The following ANKRD17 variants were observed in gnomAD, a reference collection of about 807,000 sequenced individuals.
The protein encoded by ANKRD17 is ankyrin repeat domain-containing protein 17.
In ANKRD17, 19 loss-of-function variants were observed where a neutral mutation model predicts 229.7. The ratio of observed to expected loss-of-function variants is 0.08; its 90% CI spans 0.06 to 0.12. The LOEUF is 0.12. ANKRD17 is among the 10% of genes least tolerant of loss of function. The pLI is 1.00. For missense variants in ANKRD17, 2,176 were observed against 3,176.8 expected (o/e 0.68, Z 7.57); for synonymous variants, 1,112 against 1,146.1 (o/e 0.97, Z 0.60).
chr4:73,182,718 T>G (rs539915472), intron 1 of ANKRD17, among the ~76,000 whole-genome samples: 3 of 152,342 alleles, frequency 2.0e-5, no homozygotes, highest in African/African-American at 7.2e-5. Context: ...TTTAGACGTG[T>G]AAATAACTTC....
At chr4:73,082,698 A>G (rs1292722696) in intron 30 of ANKRD17, among the ~76,000 whole-genome samples, 1 of 152,220 alleles carries the variant, frequency 6.6e-6, no homozygotes, top group African/African-American at 2.4e-5. Context: ...CTAGCAAACA[A>G]CTGGCTTGTA....
intron 1 of ANKRD17, among the ~76,000 whole-genome samples, chr4:73,179,587 G>A (rs1735274263): frequency 1.4e-5 from 2 of 141,960 alleles, no homozygotes; most frequent in South Asian, 4.4e-4. Context: ...TCAAACTCCT[G>A]GGATCAAGTA....
intron 1 of ANKRD17, among the ~76,000 whole-genome samples, chr4:73,238,057 A>G (rs901566524): frequency 1.3e-5 from 2 of 151,990 alleles, no homozygotes; most frequent in Non-Finnish European, 2.9e-5. Context: ...ATTTAATAGA[A>G]TTAGAAATTT....
At chr4:73,137,592 G>A (rs1279462417) in intron 15 of ANKRD17, among the ~76,000 whole-genome samples, 2 of 152,172 alleles carry the variant, frequency 1.3e-5, no homozygotes, top group Non-Finnish European at 2.9e-5. Context: ...GTCAGTGCAT[G>A]AGTATATGTG....
chr4:73,199,331 C>T (rs1738341561), intron 1 of ANKRD17, among the ~76,000 whole-genome samples: 1 of 151,724 alleles, frequency 6.6e-6, no homozygotes, highest in Non-Finnish European at 1.5e-5. Flanking sequence ...GCCAGAAAGA[C>T]AAAGAGAAAG....
At chr4:73,141,950 G>T in intron 13 of ANKRD17, 107 bp from the exon 14 acceptor site, 2 of 952,886 alleles carry the variant, frequency 2.1e-6, no homozygotes, top group Non-Finnish European at 3.1e-6. Flanking sequence ...TTTTTAATAT[G>T]TCATCTTAGA....
At chr4:73,240,159 A>T (rs1743884720) in intron 1 of ANKRD17, among the ~76,000 whole-genome samples, 1 of 152,162 alleles carries the variant, frequency 6.6e-6, no homozygotes, top group Non-Finnish European at 1.5e-5. Context: ...AAGACAACCT[A>T]AGGGCATCAT....
intron 16 of ANKRD17, among the ~76,000 whole-genome samples, chr4:73,133,628 A>C (rs1728529545): frequency 6.6e-6 from 1 of 151,932 alleles, no homozygotes; most frequent in Admixed American, 6.6e-5. Flanking sequence ...TCCTGACCTC[A>C]GGTGATCCGC....
chr4:73,214,347 G>A (rs756452010), intron 1 of ANKRD17, among the ~76,000 whole-genome samples: 137 of 152,304 alleles, frequency 9.0e-4, no homozygotes, highest in Non-Finnish European at 1.7e-3. Flanking sequence ...CTCCCTTAAT[G>A]AGTGTAAACT....
At chr4:73,220,287 A>G (rs1741675835) in intron 1 of ANKRD17, among the ~76,000 whole-genome samples, 1 of 152,066 alleles carries the variant, frequency 6.6e-6, no homozygotes, top group African/African-American at 2.4e-5. Flanking sequence ...TTTCCTGAGT[A>G]TTAGTTCCTT....
At position 73,198,363 on chromosome 4, in the gene ANKRD17, T is replaced by C. The variant is rs139088030; in HGVS notation, c.394-20830A>G. 2.2e-4 allele frequency among the ~76,000 whole-genome samples: 34 copies of C among 152,284 alleles called. No homozygotes were observed. The East Asian group carries it at 6.2e-3, about 28-fold the overall frequency. ...AACGAAAATGAAAAATTTGGTATACTGCAAAGTATACTTAACAAATTTGTA... is the reference window on the plus strand; with the variant it reads ...AACGAAAATGAAAAATTTGGTATACCGCAAAGTATACTTAACAAATTTGTA... On this transcript the variant is annotated intron_variant, in intron 1 of 33. Transcript: ENST00000358602.
chr4:73,188,842 G>C (rs1190086739), intron 1 of ANKRD17, among the ~76,000 whole-genome samples: 1 of 152,096 alleles, frequency 6.6e-6, no homozygotes, highest in Non-Finnish European at 1.5e-5. Context: ...TGAAAAATGA[G>C]AGACAGAGAA....
intron 7 of ANKRD17, among the ~76,000 whole-genome samples, chr4:73,150,399 T>C (rs368322539): frequency 2.0e-5 from 3 of 152,306 alleles, no homozygotes; most frequent in South Asian, 4.1e-4. Context: ...TTCCTTATCA[T>C]GGGGAACTTT....
At chr4:73,214,178 G>A (rs367701813) in intron 1 of ANKRD17, among the ~76,000 whole-genome samples, 5 of 152,128 alleles carry the variant, frequency 3.3e-5, no homozygotes, top group Admixed American at 1.3e-4. Context: ...GTTTTTCTCC[G>A]GCTCTTTAAA....
Position 73,191,341 on chromosome 4 carries a change from ATGTG to A in ANKRD17, c.394-13812_394-13809del, listed in dbSNP as rs71655741. Among the ~76,000 whole-genome samples the A allele has an allele frequency of 2.0e-3, 252 of 125,278 alleles. 5 individuals carry two copies. Among genetic ancestry groups the A allele is most frequent in the South Asian group, 9.3e-3 (33 of 3,534 alleles). The allele number at this position is 125,278 out of a possible 152,430, so 82.2% of individuals were successfully genotyped here. A position where few individuals can be genotyped will look rare whatever the true frequency, so the allele number is the denominator to read the frequency against. ...AATAGGCCCCTACCAAAAAATATAT[ATGTG>A]TGTGTGTGTGTGTGTGTGTGTGTGT... On this transcript the variant is annotated intron_variant, in intron 1 of 33. Coordinates refer to ENST00000358602, the MANE Select transcript of ANKRD17 (RefSeq NM_032217.5).
intron 31 of ANKRD17, 21 bp downstream of exon 31, chr4:73,078,621 G>A: frequency 1.9e-6 from 3 of 1,609,076 alleles, no homozygotes; most frequent in Non-Finnish European, 2.6e-6. Context: ...AATTTCTAGA[G>A]AGCAGGACAG....
chr4:73,177,521 T>C lies in ANKRD17; in HGVS notation c.406A>G (p.Ile136Val). 1 of 1,606,664 alleles carries C rather than the reference T, an allele frequency of 6.2e-7. No individual in the cohort carries two copies. Among genetic ancestry groups the C allele is most frequent in the South Asian group, 1.1e-5 (1 of 90,288 alleles). The change falls in exon 2 of 34, where the codon ATT (isoleucine) becomes GTT (valine). Residue 136 changes from isoleucine to valine, a missense_variant. Coordinates refer to ENST00000358602, the MANE Select transcript of ANKRD17 (RefSeq NM_032217.5). ...EEEVSEVESF[I>V]LDQDDLENPM... is the part of the protein sequence containing the mutation. ...TTTTCCAAATCATCCTGATCCAAAA[T>C]GAAAGACTCCACCTATAAAACAAAT...
chr4:73,133,231 G>A (rs1728456882), intron 16 of ANKRD17, among the ~76,000 whole-genome samples: 2 of 151,662 alleles, frequency 1.3e-5, no homozygotes, highest in Admixed American at 6.6e-5. Flanking sequence ...CTGGGTGACA[G>A]AGCGAGACTC....
intron 1 of ANKRD17, among the ~76,000 whole-genome samples, chr4:73,239,642 C>T (rs1256079169): frequency 6.6e-6 from 1 of 152,108 alleles, no homozygotes; most frequent in African/African-American, 2.4e-5. Flanking sequence ...TTACAATTTA[C>T]ACCTAGGGAT....
Sources: gnomAD v4.1 joint callset for allele counts (sites outside exome capture counted in the v4.1 genomes callset) on GRCh38, gnomAD v4.1.1 for gene constraint, MANE v1.5 for transcripts, NCBI Gene and HGNC (gene_info 2026-07-23, HGNC 2026-07-21) for gene names.